PKN2: variants seen among roughly 807,000 people sequenced by gnomAD.
PKN2 encodes protein kinase N2, also known as serine/threonine-protein kinase N2.
PKN2 carries 38 observed loss-of-function variants against 119.1 expected under a neutral mutation model. That is an observed-to-expected ratio of 0.32 (90% CI 0.25 to 0.42). PKN2 has a LOEUF of 0.42. PKN2 is among the 10% of genes least tolerant of loss of function. PKN2 has a pLI of 1.00. For synonymous variants in PKN2, 390 were observed against 384.9 expected, an observed-to-expected ratio of 1.01 and a Z score of -0.15; for missense variants, 850 against 1,165.1, an observed-to-expected ratio of 0.73 and a Z score of 3.94.
chr1:88,733,375 A>C (rs577244498), intron 1 of PKN2, among the ~76,000 whole-genome samples: 1 of 152,252 alleles, frequency 6.6e-6, no homozygotes, highest in East Asian at 1.9e-4. Context: ...GAGAGTACCT[A>C]TTCTAACTAG....
intron 16 of PKN2, among the ~76,000 whole-genome samples, chr1:88,820,202 ATATATATATATATATATATATATATATAT>A (rs1672200037): frequency 1.3e-5 from 1 of 79,706 alleles, no homozygotes; most frequent in African/African-American, 5.7e-5. Context: ...ATATATATAT[ATATATATATATATATATATATATATATAT>A]ATAAATAGAA....
Position 88,768,324 on chromosome 1 carries a change from A to C in PKN2, c.505-2028A>C, listed in dbSNP as rs113836810. On this transcript the variant is annotated intron_variant, in intron 3 of 21. Coordinates refer to ENST00000370521, the MANE Select transcript of PKN2 (RefSeq NM_006256.4). Reference sequence around the variant, plus strand: ...TCTTAGCTTAAATCAAGGTGTTGGCAGGACTGCATTCCCTTCTGGAGGATG... The same window carrying C: ...TCTTAGCTTAAATCAAGGTGTTGGCCGGACTGCATTCCCTTCTGGAGGATG... Among the ~76,000 whole-genome samples the C allele has an allele frequency of 9.9e-3, 1,509 of 152,304 alleles. 20 individuals carry two copies. Among genetic ancestry groups the C allele is most frequent in the African/African-American group, 0.034 (1,425 of 41,556 alleles).
In PKN2 at chr1:88,684,390, C is replaced by G; in HGVS notation, c.-191C>G. On this transcript the variant is annotated 5_prime_UTR_variant, in exon 1 of 22. Coordinates refer to ENST00000370521, the MANE Select transcript of PKN2 (RefSeq NM_006256.4). ...AGGAAGCCCGCTACGAGTGCCCTAG[C>G]TCCCCGCCGCTCTCGATGAACCGGA... is the stretch of plus-strand genomic sequence containing the variant. 1.9e-6 allele frequency: 1 copy of G among 527,332 alleles called. No homozygotes were observed. The highest frequency in any genetic ancestry group is 2.4e-5 in the South Asian group (1 of 42,014). 32.7% of individuals were successfully genotyped at this position (527,332 alleles called of 1,614,324 possible).
intron 1 of PKN2, among the ~76,000 whole-genome samples, chr1:88,720,436 G>A (rs541744703): frequency 2.6e-5 from 4 of 152,028 alleles, no homozygotes; most frequent in Non-Finnish European, 5.9e-5. Context: ...CAACCTGTCC[G>A]TCTCCATGTC....
At chr1:88,818,425 G>A (rs1085563) in intron 16 of PKN2, among the ~76,000 whole-genome samples, 108,402 of 151,926 alleles carry the variant, frequency 0.71, 39,684 homozygotes, top group African/African-American at 0.88. Context: ...AGGCGGGTGG[G>A]TCATTTGAGG....
chr1:88,832,001 T>G (rs1672748845), intron 19 of PKN2, among the ~76,000 whole-genome samples: 1 of 152,030 alleles, frequency 6.6e-6, no homozygotes, highest in South Asian at 2.1e-4. Flanking sequence ...TTTTTATGTC[T>G]CAGGGTCATT....
rs1440988621 is a variant in PKN2, at chr1:88,835,188, G to A, written c.*1740G>A. On this transcript the variant is annotated 3_prime_UTR_variant, in exon 22 of 22. Coordinates refer to ENST00000370521, the MANE Select transcript of PKN2 (RefSeq NM_006256.4). ...ATTGTTTATTACCCAAGATCCTTTG[G>A]GAGAAAATCTTATAGAATGGGGGAA... 6.6e-6 allele frequency: 1 copy of A among 152,050 alleles called. No homozygotes were observed. Among genetic ancestry groups the A allele is most frequent in the Non-Finnish European group, 1.5e-5 (1 of 67,882 alleles). 9.4% of individuals were successfully genotyped at this position (152,050 alleles called of 1,614,324 possible). A position where few individuals can be genotyped will look rare whatever the true frequency, so the allele number is the denominator to read the frequency against.
chr1:88,734,656 A>C (rs570295759), intron 1 of PKN2, among the ~76,000 whole-genome samples: 1 of 152,086 alleles, frequency 6.6e-6, no homozygotes, highest in Non-Finnish European at 1.5e-5. Flanking sequence ...TTTTTGCTTT[A>C]GATTACTTTG....
intron 1 of PKN2, among the ~76,000 whole-genome samples, chr1:88,704,684 G>C (rs1465011897): frequency 6.6e-6 from 1 of 151,490 alleles, no homozygotes; most frequent in African/African-American, 2.4e-5. Context: ...GGGAAGCTGA[G>C]GCAGGATGAT....
Position 88,741,020 on chromosome 1 carries a change from T to A in PKN2, c.81T>A (p.Asn27Lys), listed in dbSNP as rs765084557. 2 of 1,589,220 alleles carry A rather than the reference T, an allele frequency of 1.3e-6. No individual in the cohort carries two copies. The highest frequency in any genetic ancestry group is 1.7e-6 in the Non-Finnish European group (2 of 1,172,286). Residue 27 changes from asparagine (N) to lysine (K), a missense_variant, in exon 2 of 22, where the codon AAT becomes AAA. Coordinates refer to ENST00000370521, the MANE Select transcript of PKN2 (RefSeq NM_006256.4). ...GDSRSLPFSENVSAVQKLDFS... is the reference protein window; with the variant it reads ...GDSRSLPFSEKVSAVQKLDFS... Reference sequence around the variant, plus strand: ...CCCGAAGTCTTCCGTTTTCTGAGAATGTGAGTGCTGTTCAAAAATTAGACT... The same window carrying A: ...CCCGAAGTCTTCCGTTTTCTGAGAAAGTGAGTGCTGTTCAAAAATTAGACT...
At chr1:88,732,860 A>G (rs989182128) in intron 1 of PKN2, among the ~76,000 whole-genome samples, 6 of 152,218 alleles carry the variant, frequency 3.9e-5, no homozygotes, top group African/African-American at 1.4e-4. Flanking sequence ...TTGTCATTTC[A>G]GACAACGTGA....
chr1:88,821,554 A>G lies in PKN2; in HGVS notation c.2280-387A>G, dbSNP rs139633339. Among the ~76,000 whole-genome samples the G allele has an allele frequency of 7.8e-3, 1,181 of 152,296 alleles. 18 individuals carry two copies. The highest frequency in any genetic ancestry group is 0.027 in the African/African-American group (1,128 of 41,568). On this transcript the variant is annotated intron_variant, in intron 16 of 21. Coordinates refer to ENST00000370521, the MANE Select transcript of PKN2 (RefSeq NM_006256.4). The stretch of plus-strand genomic sequence containing the variant: ...TTCAGCCACACCAAACTTACTTGTT[A>G]TCAAACATGTTACGCCTTTTGCACC...
chr1:88,814,769 C>T (rs1212958091), intron 16 of PKN2, among the ~76,000 whole-genome samples: 1 of 152,140 alleles, frequency 6.6e-6, no homozygotes, highest in Non-Finnish European at 1.5e-5. Context: ...GTCAACTCCA[C>T]CTGTAGAATA....
intron 2 of PKN2, among the ~76,000 whole-genome samples, chr1:88,751,967 G>A (rs1669017769): frequency 6.6e-6 from 1 of 152,110 alleles, no homozygotes. Flanking sequence ...TTTCTTTTAA[G>A]ATATCCTTTG....
At chr1:88,711,485 A>G (rs927472943) in intron 1 of PKN2, among the ~76,000 whole-genome samples, 1 of 152,122 alleles carries the variant, frequency 6.6e-6, no homozygotes, top group East Asian at 1.9e-4. Flanking sequence ...ATTATTTTTT[A>G]TTGAGATGTC....
chr1:88,769,891 AGC>A (rs1669813063), intron 3 of PKN2, among the ~76,000 whole-genome samples: 1 of 152,204 alleles, frequency 6.6e-6, no homozygotes, highest in Non-Finnish European at 1.5e-5. Context: ...TCTAATACAT[AGC>A]GTGAACTATA....
chr1:88,805,738 A>C, intron 11 of PKN2, 67 bp downstream of exon 11: 1 of 1,600,450 alleles, frequency 6.2e-7, no homozygotes, highest in East Asian at 2.3e-5. Flanking sequence ...TACTGATTAT[A>C]GCAGGTGTAC....
intron 1 of PKN2, among the ~76,000 whole-genome samples, chr1:88,715,275 G>A (rs1667400896): frequency 6.6e-6 from 1 of 152,010 alleles, no homozygotes; most frequent in Admixed American, 6.6e-5. Context: ...TATAATGCTG[G>A]CCTCATAAAA....
At chr1:88,725,273 T>G (rs1486498502) in intron 1 of PKN2, among the ~76,000 whole-genome samples, 1 of 152,182 alleles carries the variant, frequency 6.6e-6, no homozygotes, top group Admixed American at 6.6e-5. Flanking sequence ...TGTTACTGTT[T>G]AGATATATAC....
Sources: allele counts gnomAD v4.1 joint callset (sites outside exome capture counted in the v4.1 genomes callset), GRCh38; gene constraint gnomAD v4.1.1; transcripts MANE v1.5; gene names NCBI Gene and HGNC (gene_info 2026-07-23, HGNC 2026-07-21).